MTHFD1L: variants seen among roughly 807,000 people sequenced by gnomAD.
MTHFD1L encodes methylenetetrahydrofolate dehydrogenase (NADP+ dependent) 1 like.
In MTHFD1L, 81 loss-of-function variants were observed where a neutral mutation model predicts 119.5. The ratio of observed to expected loss-of-function variants is 0.68; its 90% confidence interval spans 0.57 to 0.82. The LOEUF (loss-of-function observed/expected upper bound fraction) is 0.82, where lower values mean the gene tolerates loss of function less well. MTHFD1L is among the 40% of genes least tolerant of loss of function. The pLI is 0.00. For synonymous variants in MTHFD1L, 430 were observed against 475.2 expected (o/e 0.90, Z 1.24); for missense variants, 1,125 against 1,253.4 (o/e 0.90, Z 1.55).
chr6:150,979,538 T>TCTC (rs2129036055), intron 20 of MTHFD1L, among the ~76,000 whole-genome samples: 1 of 152,240 alleles, frequency 6.6e-6, no homozygotes, highest in South Asian at 2.1e-4. Context: ...TCTCACTCTG[T>TCTC]CTCCTAGGCT....
At chr6:150,994,907 C>A (rs1342826516) in intron 20 of MTHFD1L, among the ~76,000 whole-genome samples, 1 of 152,112 alleles carries the variant, frequency 6.6e-6, no homozygotes, top group Non-Finnish European at 1.5e-5. Context: ...TCTTCAGGAA[C>A]CTTTCTCCGA....
intron 26 of MTHFD1L, among the ~76,000 whole-genome samples, chr6:151,060,527 C>T (rs1790487949): frequency 6.6e-6 from 1 of 152,158 alleles, no homozygotes; most frequent in Admixed American, 6.5e-5. Context: ...CTCCAGGAGC[C>T]AGGGAGCAGA....
intron 26 of MTHFD1L, among the ~76,000 whole-genome samples, chr6:151,038,411 A>AG (rs949688568): frequency 3.6e-4 from 54 of 150,812 alleles, no homozygotes; most frequent in Non-Finnish European, 6.7e-4. Flanking sequence ...GAGTTGGATG[A>AG]GGGGGGGTGG....
chr6:150,906,927 T>A (rs1270959463), intron 8 of MTHFD1L, among the ~76,000 whole-genome samples: 1 of 152,102 alleles, frequency 6.6e-6, no homozygotes, highest in African/African-American at 2.4e-5. Flanking sequence ...GTGGCCCTAA[T>A]GGCTCTTTTT....
chr6:150,970,573 A>C (rs1397973405), intron 19 of MTHFD1L, among the ~76,000 whole-genome samples: 2 of 152,214 alleles, frequency 1.3e-5, no homozygotes, highest in African/African-American at 4.8e-5. Flanking sequence ...AATTACTTGA[A>C]ATTACTTGAA....
intron 17 of MTHFD1L, among the ~76,000 whole-genome samples, chr6:150,957,714 A>G (rs1404143126): frequency 6.6e-6 from 1 of 152,180 alleles, no homozygotes; most frequent in Non-Finnish European, 1.5e-5. Context: ...ACATGAGTAG[A>G]GAGCTCTCAT....
At chr6:150,868,079 C>T (rs1778738414) in intron 1 of MTHFD1L, among the ~76,000 whole-genome samples, 1 of 151,902 alleles carries the variant, frequency 6.6e-6, no homozygotes, top group African/African-American at 2.4e-5. Context: ...GGATTACAGG[C>T]GTGACCCACC....
chr6:151,098,017 T>G (rs538968815), intron 27 of MTHFD1L, among the ~76,000 whole-genome samples: 1 of 151,750 alleles, frequency 6.6e-6, no homozygotes, highest in East Asian at 1.9e-4. Context: ...CTACTAAAAA[T>G]AGAAAAATTA....
chr6:150,896,144 AT>A (rs1367901146), intron 7 of MTHFD1L, among the ~76,000 whole-genome samples: 1 of 152,220 alleles, frequency 6.6e-6, no homozygotes, highest in African/African-American at 2.4e-5. Flanking sequence ...GTCAGCTCTT[AT>A]TCCAGATCAT....
At chr6:150,974,941 T>A (rs1378931453) in intron 20 of MTHFD1L, among the ~76,000 whole-genome samples, 2 of 152,242 alleles carry the variant, frequency 1.3e-5, no homozygotes, top group East Asian at 3.9e-4. Context: ...TTTCTCCATG[T>A]TGGTCAGTCT....
chr6:151,064,351 C>T (rs574726823), intron 26 of MTHFD1L, among the ~76,000 whole-genome samples: 1 of 152,166 alleles, frequency 6.6e-6, no homozygotes, highest in East Asian at 1.9e-4. Flanking sequence ...GTCACTCTGT[C>T]GCCCAGGCTG....
Position 151,023,267 on chromosome 6 carries a change from G to A in MTHFD1L, c.2586+7574G>A, listed in dbSNP as rs976535022. Among the ~76,000 whole-genome samples, 6 of 152,038 alleles carry A rather than the reference G, an allele frequency of 3.9e-5. No individual in the cohort carries two copies. The South Asian group carries it at 8.3e-4, about 21-fold the overall frequency. On this transcript the variant is annotated intron_variant, in intron 24 of 27. Transcript: ENST00000367321. ...TCACCATGTTGGCTGGGCTGGTCTC[G>A]AACTCCTGACCTCAAGTGATCTGTC... is the stretch of plus-strand genomic sequence containing the variant.
intron 14 of MTHFD1L, 42 bp downstream of exon 14, chr6:150,944,635 T>A (rs2128957573): frequency 1.4e-6 from 2 of 1,387,458 alleles, no homozygotes; most frequent in Non-Finnish European, 2.0e-6. Context: ...TATTGTATCC[T>A]GGAATTCCTG....
chr6:151,090,946 TCCATGCGACTGGGTGCAGCATCGCC>T (rs1562651414), intron 26 of MTHFD1L, among the ~76,000 whole-genome samples: 622 of 89,356 alleles, frequency 7.0e-3, no homozygotes, highest in African/African-American at 0.016. Flanking sequence ...GCAGCATCGT[TCCATGCGACTGGGTGCAGCATCGCC>T]CCATGCGACT....
intron 27 of MTHFD1L, among the ~76,000 whole-genome samples, chr6:151,095,570 C>A (rs546393263): frequency 6.6e-6 from 1 of 152,170 alleles, no homozygotes; most frequent in South Asian, 2.1e-4. Flanking sequence ...TAATGCATAC[C>A]CTTAAATCCT....
chr6:150,866,801 C>T (rs1413839153), intron 1 of MTHFD1L, among the ~76,000 whole-genome samples: 1 of 152,210 alleles, frequency 6.6e-6, no homozygotes, highest in Non-Finnish European at 1.5e-5. Context: ...CTTTCCCGTC[C>T]CGGTCCCCGC....
chr6:151,050,723 G>A (rs970462576), intron 26 of MTHFD1L, among the ~76,000 whole-genome samples: 9 of 152,048 alleles, frequency 5.9e-5, no homozygotes, highest in African/African-American at 2.2e-4. Flanking sequence ...GCTGCTTGGT[G>A]TATGGGGAAA....
At chr6:150,963,214 C>T (rs1053697252) in intron 18 of MTHFD1L, among the ~76,000 whole-genome samples, 2 of 152,168 alleles carry the variant, frequency 1.3e-5, no homozygotes, top group Non-Finnish European at 2.9e-5. Flanking sequence ...CCATGCCCAG[C>T]CTGTCCTGCA....
In MTHFD1L at chr6:150,887,979, A is replaced by G; in HGVS notation, c.778A>G (p.Lys260Glu). The G allele has an allele frequency of 6.3e-7, 1 of 1,597,550 alleles. No homozygotes were observed. The highest frequency in any genetic ancestry group is 8.5e-7 in the Non-Finnish European group (1 of 1,174,630). The change falls in exon 7 of 28, where the codon AAG becomes GAG. Residue 260 changes from lysine (K) to glutamate (E), a missense_variant and splice_region_variant. Physicochemically the swap from Lys to Glu is moderately conservative, Grantham distance 56 (BLOSUM62 1). Around this residue, in one of 3 missense-constraint regions of MTHFD1L, gnomAD observed 1,058 missense variants for 1,151.2 expected, o/e 0.92. Coordinates refer to ENST00000367321, the MANE Select transcript of MTHFD1L (RefSeq NM_015440.5). ...IQWKTRQLQSKLHEADIVVLG... is the reference protein window; with the variant it reads ...IQWKTRQLQSELHEADIVVLG... The stretch of plus-strand genomic sequence containing the variant: ...GTGGAAAACACGCCAGCTTCAAAGC[A>G]AGGTAAATTTCATGTTAGAAACATA...
Sources: allele counts gnomAD v4.1 joint callset (sites outside exome capture counted in the v4.1 genomes callset), GRCh38; gene constraint gnomAD v4.1.1; regional missense constraint gnomAD v4.1.1; transcripts MANE v1.5; gene names NCBI Gene and HGNC (gene_info 2026-07-23, HGNC 2026-07-21).